Variants in TMEM242 observed in about 807,000 individuals in gnomAD.
TMEM242 encodes the protein UPF0463 transmembrane protein C6orf35.
TMEM242 carries 10 observed loss-of-function variants against 18.2 expected under a neutral mutation model. That is an observed-to-expected ratio of 0.55 (90% CI 0.34 to 0.93). The LOEUF (loss-of-function observed/expected upper bound fraction) is 0.93. Among genes scored for constraint, TMEM242 ranks in the 40% least tolerant of loss-of-function variants. The pLI, the probability that TMEM242 is intolerant of heterozygous loss-of-function variation, is 0.02. For missense variants in TMEM242, 186 were observed against 175.5 expected, an observed-to-expected ratio of 1.06 and a Z score of -0.34; for synonymous variants, 57 against 69.9, an observed-to-expected ratio of 0.81 and a Z score of 0.92.
At chr6:157,314,439 G>C (rs1482273486) in intron 3 of TMEM242, among the ~76,000 whole-genome samples, 1 of 85,888 alleles carries the variant, frequency 1.2e-5, no homozygotes, top group Non-Finnish European at 2.5e-5. Context: ...TTTTTTTCCA[G>C]AATTAAGTTA....
intron 3 of TMEM242, among the ~76,000 whole-genome samples, chr6:157,295,868 T>G (rs887962327): frequency 6.6e-6 from 1 of 152,108 alleles, no homozygotes; most frequent in Non-Finnish European, 1.5e-5. Flanking sequence ...AACGCAGACA[T>G]TTAAGATATA....
intron 2 of TMEM242, among the ~76,000 whole-genome samples, chr6:157,320,233 A>G (rs185734453): frequency 6.6e-6 from 1 of 152,268 alleles, no homozygotes; most frequent in Non-Finnish European, 1.5e-5. Context: ...GGGGTTCTCA[A>G]ACTACCTGGT....
At chr6:157,320,619 T>C (rs587752991) in intron 2 of TMEM242, among the ~76,000 whole-genome samples, 2 of 152,148 alleles carry the variant, frequency 1.3e-5, no homozygotes, top group South Asian at 4.2e-4. Flanking sequence ...TACAGGTGCA[T>C]GCCACCATGC....
At chr6:157,295,591 G>A (rs782019704) in intron 3 of TMEM242, among the ~76,000 whole-genome samples, 6 of 152,180 alleles carry the variant, frequency 3.9e-5, no homozygotes, top group Non-Finnish European at 5.9e-5. Flanking sequence ...TGAGGCCAGG[G>A]GAGGAGAGCA....
chr6:157,302,117 G>A (rs782430172), intron 3 of TMEM242, among the ~76,000 whole-genome samples: 6 of 152,150 alleles, frequency 3.9e-5, no homozygotes, highest in Non-Finnish European at 8.8e-5. Flanking sequence ...AAACCAAATG[G>A]TAAGGGGACT....
intron 3 of TMEM242, among the ~76,000 whole-genome samples, chr6:157,314,148 T>TA (rs1778329980): frequency 5.6e-5 from 7 of 124,174 alleles, no homozygotes; most frequent in Admixed American, 5.6e-4. Context: ...GGCCTCATCA[T>TA]AGTGTCCCTG....
intron 3 of TMEM242, among the ~76,000 whole-genome samples, chr6:157,296,556 G>A (rs77653779): frequency 2.0e-5 from 3 of 152,208 alleles, no homozygotes; most frequent in South Asian, 4.1e-4. Context: ...GGTGGCGCAC[G>A]CCTGTAGCCC....
In TMEM242 at chr6:157,305,285, CCAA is replaced by C. The variant is rs1342839574; in HGVS notation, c.328-12289_328-12287del. On this transcript the variant is annotated intron_variant, in intron 3 of 3. Transcript: ENST00000400788. This position sits in a 1 kb window ranked among gnomAD's most constrained non-coding sequence, Gnocchi z 4.1. ...ACTTGCATGCATCAGATGAAGGGAA[CCAA>C]GGGAAATGAGAGAATCTAAGAGGAT... Among the ~76,000 whole-genome samples, 21 of 151,934 alleles carry C rather than the reference CCAA, an allele frequency of 1.4e-4. No individual in the cohort carries two copies. The highest frequency in any genetic ancestry group is 4.8e-4 in the African/African-American group (20 of 41,372).
Position 157,292,890 on chromosome 6 carries a change from C to T in TMEM242, c.*11G>A. ...CTGTAACAAGCATTTTGAAATTCAT[C>T]CATGCTCATCTCATTTGGATTTCAA... On this transcript the variant is annotated 3_prime_UTR_variant, in exon 4 of 4. Transcript: ENST00000400788. 1 of 1,601,050 alleles carries T rather than the reference C, an allele frequency of 6.2e-7. No homozygotes were observed. The highest frequency in any genetic ancestry group is 8.6e-7 in the Non-Finnish European group (1 of 1,168,534).
intron 3 of TMEM242, among the ~76,000 whole-genome samples, chr6:157,293,554 T>C (rs149551253): frequency 4.1e-4 from 62 of 152,290 alleles, no homozygotes; most frequent in African/African-American, 1.4e-3. Flanking sequence ...AAAGCTAGAA[T>C]TTTAGACACA....
At chr6:157,301,323 C>CT (rs200310721) in intron 3 of TMEM242, among the ~76,000 whole-genome samples, 11,930 of 147,874 alleles carry the variant, frequency 0.081, 555 homozygotes, top group Middle Eastern at 0.11. Flanking sequence ...AAAGCTATTA[C>CT]TTTTTTTTTT....
chr6:157,315,375 G>A (rs1314529350), intron 3 of TMEM242, among the ~76,000 whole-genome samples: 1 of 152,238 alleles, frequency 6.6e-6, no homozygotes, highest in Admixed American at 6.5e-5. Flanking sequence ...CAGCAAATTA[G>A]TAAACACTAC....
At chr6:157,299,526 C>T (rs1213892772) in intron 3 of TMEM242, 4 of 1,471,676 alleles carry the variant, frequency 2.7e-6, no homozygotes, top group East Asian at 2.3e-5. Flanking sequence ...AGATTACAGC[C>T]GCTTCCAATA....
intron 3 of TMEM242, among the ~76,000 whole-genome samples, chr6:157,309,345 G>A (rs781808338): frequency 1.4e-4 from 21 of 148,808 alleles, no homozygotes; most frequent in Non-Finnish European, 2.7e-4. Context: ...TTTTTTTTCT[G>A]TTTTGAATAA....
chr6:157,299,443 G>C (rs1777796363), intron 3 of TMEM242: 1 of 1,343,756 alleles, frequency 7.4e-7, no homozygotes, highest in Admixed American at 1.7e-5. Context: ...GCTCTCCTAG[G>C]ATCCATCCGT....
intron 3 of TMEM242, among the ~76,000 whole-genome samples, chr6:157,304,254 T>C (rs1214642974): frequency 6.6e-6 from 1 of 152,010 alleles, no homozygotes; most frequent in East Asian, 1.9e-4. Context: ...TCACTTGAGG[T>C]CAGGCATTCC....
intron 3 of TMEM242, among the ~76,000 whole-genome samples, chr6:157,314,483 C>T (rs1381155281): frequency 6.6e-6 from 1 of 152,174 alleles, no homozygotes; most frequent in Non-Finnish European, 1.5e-5. Flanking sequence ...TAATTATAAT[C>T]AAATAATAAA....
At chr6:157,293,623 A>G (rs1554246985) in intron 3 of TMEM242, among the ~76,000 whole-genome samples, 1 of 152,100 alleles carries the variant, frequency 6.6e-6, no homozygotes. Context: ...GGAATGGTAG[A>G]TAAACTGGAA....
chr6:157,307,092 C>A (rs1421167810), intron 3 of TMEM242, among the ~76,000 whole-genome samples: 1 of 152,126 alleles, frequency 6.6e-6, no homozygotes, highest in Non-Finnish European at 1.5e-5. Flanking sequence ...AGTGACTAAT[C>A]AATCATAAGT....
Sources: allele counts gnomAD v4.1 joint callset (sites outside exome capture counted in the v4.1 genomes callset), GRCh38; gene constraint gnomAD v4.1.1; non-coding constraint Gnocchi (gnomAD v3.1); transcripts MANE v1.5; gene names NCBI Gene and HGNC (gene_info 2026-07-23, HGNC 2026-07-21).